The following ARHGEF10L variants were observed in gnomAD, a reference collection of about 807,000 sequenced individuals.
ARHGEF10L encodes the protein Rho guanine nucleotide exchange factor 10 like.
In ARHGEF10L, 69 loss-of-function variants were observed where a neutral mutation model predicts 141.2. The ratio of observed to expected loss-of-function variants is 0.49; its 90% CI spans 0.40 to 0.60. ARHGEF10L has a LOEUF of 0.60. ARHGEF10L is among the 20% of genes least tolerant of loss of function. The pLI is 0.00. For missense variants in ARHGEF10L, 1,482 were observed against 1,734.3 expected, an observed-to-expected ratio of 0.85 and a Z score of 2.58; for synonymous variants, 711 against 718.5, an observed-to-expected ratio of 0.99 and a Z score of 0.17.
At chr1:17,637,560 G>A (rs1004099956) in intron 18 of ARHGEF10L, among the ~76,000 whole-genome samples, 8 of 151,974 alleles carry the variant, frequency 5.3e-5, no homozygotes, top group Non-Finnish European at 1.0e-4. Context: ...GTGCAGTGGC[G>A]TGATCTCGGC....
Position 17,654,259 on chromosome 1 carries a change from C to T in ARHGEF10L, c.2395-377C>T, listed in dbSNP as rs1007694800. Among the ~76,000 whole-genome samples, 1 of 152,216 alleles carries T rather than the reference C, an allele frequency of 6.6e-6. No individual in the cohort carries two copies. The highest frequency in any genetic ancestry group is 1.5e-5 in the Non-Finnish European group (1 of 68,030). ...GCGTGGCCCTCACAAGCCGCCCAGC[C>T]CTGCCACTCACCTCCTCTGTGGTCT... On this transcript the variant is annotated intron_variant, in intron 22 of 28. Coordinates refer to ENST00000361221, the MANE Select transcript of ARHGEF10L (RefSeq NM_018125.4). The surrounding 1 kb of genome is among the most constrained non-coding windows in gnomAD (Gnocchi z 4.3).
At chr1:17,642,463 C>T (rs1485811952) in intron 21 of ARHGEF10L, among the ~76,000 whole-genome samples, 1 of 152,104 alleles carries the variant, frequency 6.6e-6, no homozygotes, top group Non-Finnish European at 1.5e-5. Flanking sequence ...GGAAGCTGTG[C>T]ATTATAGCAT....
chr1:17,556,681 G>C (rs2077340975), intron 1 of ARHGEF10L, among the ~76,000 whole-genome samples: 1 of 152,082 alleles, frequency 6.6e-6, no homozygotes. Flanking sequence ...TGTGAGCCAG[G>C]GTCACCCAGA....
At chr1:17,606,995 G>A (rs1000035039) in intron 6 of ARHGEF10L, among the ~76,000 whole-genome samples, 1 of 152,216 alleles carries the variant, frequency 6.6e-6, no homozygotes, top group Non-Finnish European at 1.5e-5. Flanking sequence ...GCTTAGGAAG[G>A]AAAGGAGCTC....
chr1:17,558,290 C>T lies in ARHGEF10L; in HGVS notation c.-44+18340C>T, dbSNP rs1460156481. On this transcript the variant is annotated intron_variant, in intron 1 of 28. Transcript: ENST00000361221. This position sits in a 1 kb window ranked among gnomAD's most constrained non-coding sequence, Gnocchi z 4.2. The stretch of plus-strand genomic sequence containing the variant: ...TCATCTATCCATCCACCCACCCGCC[C>T]ATTTATTCACCCACTCATCCACCCA... Among the ~76,000 whole-genome samples the T allele has an allele frequency of 6.6e-6, 1 of 152,216 alleles. No homozygotes were observed. Among genetic ancestry groups the T allele is most frequent in the East Asian group, 1.9e-4 (1 of 5,196 alleles).
chr1:17,668,762 C>T (rs1207422428), intron 26 of ARHGEF10L, among the ~76,000 whole-genome samples: 1 of 152,220 alleles, frequency 6.6e-6, no homozygotes, highest in Non-Finnish European at 1.5e-5. Flanking sequence ...GCCTTCAGTA[C>T]ACACAACCAT....
chr1:17,692,085 A>G (rs1320910518), intron 27 of ARHGEF10L, among the ~76,000 whole-genome samples: 1 of 152,228 alleles, frequency 6.6e-6, no homozygotes, highest in Non-Finnish European at 1.5e-5. Flanking sequence ...GGCCAACTCC[A>G]GGAGGGCTGG....
At chr1:17,539,131 G>A (rs781697902), upstream of ARHGEF10L, among the ~76,000 whole-genome samples, 3 of 152,126 alleles carry the variant, frequency 2.0e-5, no homozygotes, top group South Asian at 2.1e-4. This position sits in a 1 kb window ranked among gnomAD's most constrained non-coding sequence, Gnocchi z 6.0. Context: ...GGGTGTTGCC[G>A]GTCTCAAAGC....
chr1:17,648,864 A>G lies in ARHGEF10L; in HGVS notation c.2394+189A>G, dbSNP rs150442353. The stretch of plus-strand genomic sequence containing the variant: ...TTCGGGAATCAGCTTTCCCACCACA[A>G]AAATGGAGGCGAACGACCACTGTGG... On this transcript the variant is annotated intron_variant, in intron 22 of 28. Transcript: ENST00000361221. 5.5e-3 allele frequency among the ~76,000 whole-genome samples: 840 copies of G among 152,372 alleles called. 9 individuals carry two copies. The highest frequency in any genetic ancestry group is 0.019 in the African/African-American group (784 of 41,586).
chr1:17,617,417 G>A (rs560293799), intron 9 of ARHGEF10L, among the ~76,000 whole-genome samples: 2 of 152,276 alleles, frequency 1.3e-5, no homozygotes, highest in South Asian at 4.2e-4. Context: ...CATTCCTCTG[G>A]AGAATGTCTA....
chr1:17,626,323 C>T (rs958148919), intron 14 of ARHGEF10L, among the ~76,000 whole-genome samples: 8 of 152,232 alleles, frequency 5.3e-5, no homozygotes, highest in South Asian at 2.1e-4. Context: ...CAGGGAATCC[C>T]GGGACCCGCA....
At chr1:17,604,856 C>G (rs1252512213) in intron 6 of ARHGEF10L, 1 of 152,212 alleles carries the variant, frequency 6.6e-6, no homozygotes, top group African/African-American at 2.4e-5. Flanking sequence ...GGCCTATTTC[C>G]CACCTGAATT....
At chr1:17,687,841 C>A in intron 27 of ARHGEF10L, 94 bp downstream of exon 27, 1 of 1,346,074 alleles carries the variant, frequency 7.4e-7, no homozygotes, top group East Asian at 2.6e-5. Flanking sequence ...CCCATTTTCC[C>A]TCATCAGCCC....
At position 17,637,991 on chromosome 1, in the gene ARHGEF10L, C is replaced by A; in HGVS notation, c.2031C>A (p.His677Gln). The change falls in exon 19 of 29, where the codon CAC becomes CAA. Residue 677 changes from histidine (H) to glutamine (Q), a missense_variant. By Grantham distance (24) the His-to-Gln change is conservative. This residue lies in a region of ARHGEF10L where 858 missense variants were observed against 966.3 expected (regional missense o/e 0.89). Coordinates refer to ENST00000361221, the MANE Select transcript of ARHGEF10L (RefSeq NM_018125.4). ...TCACGCTTCTCATCAGCACGCTGCA[C>A]GGCACCTACCAGGTACGTGGCCTGG... The part of the protein sequence containing the change: ...EQITLLISTL[H>Q]GTYQNLNMTV... 2 of 1,587,728 alleles carry A rather than the reference C, an allele frequency of 1.3e-6. No individual in the cohort carries two copies. Among genetic ancestry groups the A allele is most frequent in the Non-Finnish European group, 1.7e-6 (2 of 1,166,552 alleles).
At chr1:17,693,044 C>T (rs944734292) in intron 27 of ARHGEF10L, among the ~76,000 whole-genome samples, 5 of 152,174 alleles carry the variant, frequency 3.3e-5, no homozygotes, top group African/African-American at 1.2e-4. Flanking sequence ...TCTGCCCTGT[C>T]GCCCTGTTTC....
Position 17,560,089 on chromosome 1 carries a change from C to T in ARHGEF10L, c.-44+20139C>T, listed in dbSNP as rs76685940. Among the ~76,000 whole-genome samples the T allele has an allele frequency of 8.9e-4, 136 of 152,290 alleles. 2 individuals are homozygous for T. In the East Asian group the frequency reaches 0.021, roughly 23 times the overall value. ...GGACAGCTAGGCTCCGAGTGTCCCC[C>T]TCTTCCCCCAGCTGATGGCCAAGGT... is the stretch of plus-strand genomic sequence containing the variant. On this transcript the variant is annotated intron_variant, in intron 1 of 28. Transcript: ENST00000361221.
intron 28 of ARHGEF10L, 65 bp downstream of exon 28, chr1:17,695,345 G>T: frequency 2.6e-6 from 4 of 1,526,126 alleles, no homozygotes; most frequent in Non-Finnish European, 2.6e-6. Flanking sequence ...AGTGGGGCTT[G>T]GCGGGGAGGG....
At chr1:17,684,342 G>T (rs545329374) in intron 26 of ARHGEF10L, among the ~76,000 whole-genome samples, 62 of 152,326 alleles carry the variant, frequency 4.1e-4, no homozygotes, top group Middle Eastern at 3.4e-3. Flanking sequence ...AGCCAGGACG[G>T]CCCGGGCTGT....
intron 4 of ARHGEF10L, among the ~76,000 whole-genome samples, chr1:17,588,849 A>AGTGTGTGTGTGT (rs57719075): frequency 0.013 from 270 of 20,416 alleles, 27 homozygotes; most frequent in Middle Eastern, 0.042. Flanking sequence ...GAGGGTCCCC[A>AGTGTGTGTGTGT]GTGTGTGTGT....
Sources: allele counts gnomAD v4.1 joint callset (sites outside exome capture counted in the v4.1 genomes callset), GRCh38; gene constraint gnomAD v4.1.1; regional missense constraint gnomAD v4.1.1; non-coding constraint Gnocchi (gnomAD v3.1); transcripts MANE v1.5; gene names NCBI Gene and HGNC (gene_info 2026-07-23, HGNC 2026-07-21).